JAKMIP2: variants seen among roughly 807,000 people sequenced by gnomAD.
JAKMIP2 encodes the protein janus kinase and microtubule-interacting protein 2.
JAKMIP2 carries 25 observed loss-of-function variants against 115.0 expected under a neutral mutation model. The ratio of observed to expected loss-of-function variants is 0.22; its 90% CI spans 0.16 to 0.30. JAKMIP2 has a LOEUF of 0.30. Among genes scored for constraint, JAKMIP2 ranks in the 10% least tolerant of loss-of-function variants. The pLI is 1.00. For missense variants in JAKMIP2, 642 were observed against 957.6 expected, an observed-to-expected ratio of 0.67 and a Z score of 4.35; for synonymous variants, 334 against 343.6, an observed-to-expected ratio of 0.97 and a Z score of 0.31.
At chr5:147,724,165 T>C (rs970613596) in intron 1 of JAKMIP2, among the ~76,000 whole-genome samples, 1 of 152,202 alleles carries the variant, frequency 6.6e-6, no homozygotes, top group African/African-American at 2.4e-5. Context: ...TGTCAAGCAC[T>C]GAGTTAGGTC....
chr5:147,609,336 T>A (rs1756190020), intron 20 of JAKMIP2, among the ~76,000 whole-genome samples: 1 of 152,218 alleles, frequency 6.6e-6, no homozygotes. Context: ...CCATATTTAG[T>A]GCTTCCTTCA....
chr5:147,623,438 A>T (rs1210071058), intron 17 of JAKMIP2, among the ~76,000 whole-genome samples, 183 bp downstream of exon 17: 1 of 151,774 alleles, frequency 6.6e-6, no homozygotes, highest in African/African-American at 2.4e-5. Context: ...TTTTGGGGGG[A>T]GAATATAGCC....
At chr5:147,662,395 G>A (rs1196875222) in intron 2 of JAKMIP2, among the ~76,000 whole-genome samples, 1 of 152,036 alleles carries the variant, frequency 6.6e-6, no homozygotes, top group African/African-American at 2.4e-5. Flanking sequence ...TTACCTCTCA[G>A]GAATTCCGGT....
intron 1 of JAKMIP2, among the ~76,000 whole-genome samples, chr5:147,676,946 TAAG>T (rs954681301): frequency 2.6e-5 from 4 of 152,226 alleles, no homozygotes; most frequent in Non-Finnish European, 5.9e-5. Context: ...GCTCTAGTGA[TAAG>T]AAGCTCCACT....
At chr5:147,665,381 T>C (rs1759242698) in intron 2 of JAKMIP2, among the ~76,000 whole-genome samples, 1 of 152,194 alleles carries the variant, frequency 6.6e-6, no homozygotes, top group South Asian at 2.1e-4. Context: ...TTTCTATTGA[T>C]TTAGAAACTA....
At chr5:147,605,781 C>T (rs1755976871) in intron 20 of JAKMIP2, among the ~76,000 whole-genome samples, 1 of 152,162 alleles carries the variant, frequency 6.6e-6, no homozygotes, top group Non-Finnish European at 1.5e-5. Flanking sequence ...AATGGTTGAA[C>T]TAATTTACAC....
intron 1 of JAKMIP2, among the ~76,000 whole-genome samples, chr5:147,757,034 C>T (rs1293619006): frequency 6.6e-6 from 1 of 151,834 alleles, no homozygotes; most frequent in African/African-American, 2.4e-5. Flanking sequence ...GAAGAGAGTC[C>T]CTGTGAATTA....
intron 21 of JAKMIP2, among the ~76,000 whole-genome samples, chr5:147,593,929 A>G (rs1469154268): frequency 6.6e-6 from 1 of 152,250 alleles, no homozygotes; most frequent in African/African-American, 2.4e-5. Flanking sequence ...ATACAAACAC[A>G]AAAAGTCTTT....
chr5:147,640,901 C>T, intron 8 of JAKMIP2, 78 bp from the exon 9 acceptor site: 2 of 1,316,350 alleles, frequency 1.5e-6, no homozygotes, highest in Non-Finnish European at 2.1e-6. Context: ...TGTCAACTGG[C>T]ATACGTGTAA....
At chr5:147,636,359 C>T in intron 11 of JAKMIP2, 75 bp from the exon 12 acceptor site, 2 of 1,189,748 alleles carry the variant, frequency 1.7e-6, no homozygotes, top group Admixed American at 1.9e-5. Flanking sequence ...AACCACTTTG[C>T]CAGAGCTGCC....
At chr5:147,680,802 C>A (rs1208834648) in intron 1 of JAKMIP2, among the ~76,000 whole-genome samples, 1 of 152,168 alleles carries the variant, frequency 6.6e-6, no homozygotes, top group Non-Finnish European at 1.5e-5. Flanking sequence ...CTATTTAAGC[C>A]AGTCCAACAT....
rs1758051942 is a variant in JAKMIP2 at position 147,644,892 on chromosome 5, C to A, written c.1041G>T (p.Met347Ile). Reference protein sequence around the residue: ...NDELMVSLQRMEEKLKAVTKE... With the variant: ...NDELMVSLQRIEEKLKAVTKE... ...TGGTAACGGCTTTTAGTTTTTCTTC[C>A]ATGCGCTGCAAGGACACCATCAGTT... is the stretch of plus-strand genomic sequence containing the variant. Residue 347 changes from methionine to isoleucine, a missense_variant, in exon 6 of 22, where the codon ATG becomes ATT. Transcript: ENST00000616793. 1 of 1,613,744 alleles carries A rather than the reference C, an allele frequency of 6.2e-7. No individual in the cohort carries two copies. The highest frequency in any genetic ancestry group is 1.1e-5 in the South Asian group (1 of 91,046).
intron 1 of JAKMIP2, among the ~76,000 whole-genome samples, chr5:147,775,673 T>C (rs1665026732): frequency 6.6e-6 from 1 of 152,150 alleles, no homozygotes; most frequent in African/African-American, 2.4e-5. Context: ...GTGAATGCAA[T>C]TCATTTTGTT....
rs908365257 is a variant in JAKMIP2, at chr5:147,590,854, A to T, written c.*853T>A. The T allele has an allele frequency of 1.3e-5, 2 of 152,214 alleles. No homozygotes were observed. Among genetic ancestry groups the T allele is most frequent in the South Asian group, 2.1e-4 (1 of 4,830 alleles). 9.4% of individuals were successfully genotyped at this position (152,214 alleles called of 1,614,324 possible). ...TTTTCAATATGAATGAGATCAGTCCATTGTTGATAGAGGAATGCAGATGTG... is the reference window on the plus strand; with the variant it reads ...TTTTCAATATGAATGAGATCAGTCCTTTGTTGATAGAGGAATGCAGATGTG... On this transcript the variant is annotated 3_prime_UTR_variant, in exon 22 of 22. Coordinates refer to ENST00000616793, the MANE Select transcript of JAKMIP2 (RefSeq NM_001270941.2).
chr5:147,728,763 G>A (rs1753614261), intron 1 of JAKMIP2, among the ~76,000 whole-genome samples: 1 of 152,184 alleles, frequency 6.6e-6, no homozygotes, highest in African/African-American at 2.4e-5. Context: ...AATTAGGCAG[G>A]TCAGATATTT....
intron 5 of JAKMIP2, 113 bp from the exon 6 acceptor site, chr5:147,645,109 A>G: frequency 3.2e-6 from 3 of 940,500 alleles, no homozygotes; most frequent in Admixed American, 2.2e-5. Context: ...CTGCTTCACT[A>G]TGTGGCTGAG....
intron 1 of JAKMIP2, among the ~76,000 whole-genome samples, chr5:147,737,268 T>TA (rs1173447289): frequency 6.6e-6 from 1 of 152,234 alleles, no homozygotes; most frequent in Non-Finnish European, 1.5e-5. Context: ...CTTGCAGTGT[T>TA]ATAAATCAAG....
intron 3 of JAKMIP2, among the ~76,000 whole-genome samples, chr5:147,652,885 T>C (rs914551782): frequency 1.3e-5 from 2 of 151,706 alleles, no homozygotes; most frequent in African/African-American, 4.8e-5. Flanking sequence ...CAGGCCCCAG[T>C]GTGTGATGTT....
rs1449760986 is a variant in JAKMIP2, at chr5:147,587,894, C to T, written c.*3813G>A. ...CCCAGGCCTTCTATATCAGCTCTAC[C>T]TTATGGACTTGGGAAGACACATACA... is the stretch of plus-strand genomic sequence containing the variant. On this transcript the variant is annotated 3_prime_UTR_variant, in exon 22 of 22. Coordinates refer to ENST00000616793, the MANE Select transcript of JAKMIP2 (RefSeq NM_001270941.2). 6.6e-6 allele frequency: 1 copy of T among 150,720 alleles called. No homozygotes were observed. Among genetic ancestry groups the T allele is most frequent in the African/African-American group, 2.4e-5 (1 of 40,934 alleles). The allele number at this position is 150,720 out of a possible 1,614,324, so 9.3% of individuals were successfully genotyped here.
Sources: gnomAD v4.1 joint callset for allele counts (sites outside exome capture counted in the v4.1 genomes callset) on GRCh38, gnomAD v4.1.1 for gene constraint, MANE v1.5 for transcripts, NCBI Gene and HGNC (gene_info 2026-07-23, HGNC 2026-07-21) for gene names.